CARNMT1: variants seen among roughly 807,000 people sequenced by gnomAD.
The protein encoded by CARNMT1 is protein-L-histidine N-pros-methyltransferase CARNMT1.
CARNMT1 carries 28 observed loss-of-function variants against 49.6 expected under a neutral mutation model. That is an observed-to-expected ratio of 0.56 (90% CI 0.42 to 0.77). CARNMT1 has a LOEUF of 0.77. CARNMT1 is among the 30% of genes least tolerant of loss of function. The probability of loss-of-function intolerance (pLI) is 0.00; values close to 1 mark genes in which losing one functional copy is unlikely to be tolerated. For synonymous variants in CARNMT1, 178 were observed against 175.0 expected (o/e 1.02, Z -0.13); for missense variants, 421 against 512.6 (o/e 0.82, Z 1.73).
intron 6 of CARNMT1, among the ~76,000 whole-genome samples, chr9:74,995,168 C>A (rs942976527): frequency 3.3e-5 from 5 of 152,082 alleles, no homozygotes; most frequent in African/African-American, 1.2e-4. Flanking sequence ...TATATAAACA[C>A]AGGGTCATGT....
At chr9:74,996,612 C>A (rs752204283) in intron 5 of CARNMT1, 52 bp from the exon 6 acceptor site, 1 of 1,028,396 alleles carries the variant, frequency 9.7e-7, no homozygotes, top group Admixed American at 2.4e-5. Context: ...TTGCTTTTTT[C>A]TTTTAATTAA....
chr9:74,988,815 G>A (rs950989199), intron 6 of CARNMT1, among the ~76,000 whole-genome samples: 1 of 152,162 alleles, frequency 6.6e-6, no homozygotes, highest in Non-Finnish European at 1.5e-5. Flanking sequence ...TAGGCTACAG[G>A]CCAAATTGGG....
chr9:75,017,440 A>C lies in CARNMT1; in HGVS notation c.239T>G (p.Met80Arg). 6.2e-7 allele frequency: 1 copy of C among 1,613,102 alleles called. No individual in the cohort carries two copies. Among genetic ancestry groups the C allele is most frequent in the Non-Finnish European group, 8.5e-7 (1 of 1,179,596 alleles). ...INAFRYYGTS[M>R]HERVNRTERQ... ...TTCTGTTCGGTTCACCCGCTCATGCATACTGGTGCTAAAACATAAAAGGTG... is the reference window on the plus strand; with the variant it reads ...TTCTGTTCGGTTCACCCGCTCATGCCTACTGGTGCTAAAACATAAAAGGTG... Residue 80 changes from methionine (M) to arginine (R), a missense_variant, in exon 2 of 8, where the codon ATG becomes AGG. Around this residue, in one of 2 missense-constraint regions of CARNMT1, gnomAD observed 186 missense variants for 167.9 expected, o/e 1.11. Coordinates refer to ENST00000376834, the MANE Select transcript of CARNMT1 (RefSeq NM_152420.3).
chr9:75,028,209 G>A lies in CARNMT1; in HGVS notation c.33C>T (p.Thr11=). Residue 11 remains threonine (T), a synonymous_variant, in exon 1 of 8, where the codon ACC becomes ACT. Transcript: ENST00000376834. ...CCCCGCAGCCCTCGGGCAGCCGGGA[G>A]GTGGGCGGCGGAGGGCGACGCCGTC... MQRRRRPPPP[T]SRLPEGCGGG... is the part of the protein sequence containing the mutation. 7.0e-7 allele frequency: 1 copy of A among 1,436,414 alleles called. No individual in the cohort carries two copies. Among genetic ancestry groups the A allele is most frequent in the Non-Finnish European group, 9.1e-7 (1 of 1,097,098 alleles). 89.0% of individuals were successfully genotyped at this position (1,436,414 alleles called of 1,614,324 possible).
rs1267638094 is a variant in CARNMT1 at position 74,981,423 on chromosome 9, G to A, written c.*2344C>T. On this transcript the variant is annotated 3_prime_UTR_variant, in exon 8 of 8. Transcript: ENST00000376834. ...TAAGGCTTACATACTTTAGTAGCTA[G>A]GACTAAAATTAAGAAATACAAAGCT... The A allele has an allele frequency of 6.6e-6, 1 of 152,022 alleles. No homozygotes were observed. Among genetic ancestry groups the A allele is most frequent in the Non-Finnish European group, 1.5e-5 (1 of 67,976 alleles). 9.4% of individuals were successfully genotyped at this position (152,022 alleles called of 1,614,324 possible). A position where few individuals can be genotyped will look rare whatever the true frequency, so the allele number is the denominator to read the frequency against.
intron 1 of CARNMT1, among the ~76,000 whole-genome samples, chr9:75,019,725 A>G (rs1427236166): frequency 1.1e-4 from 16 of 152,180 alleles, no homozygotes; most frequent in Admixed American, 1.0e-3. Context: ...AAGATGTCCT[A>G]CCTTTTGAGT....
At chr9:75,019,706 C>G (rs796779370) in intron 1 of CARNMT1, among the ~76,000 whole-genome samples, 19 of 152,300 alleles carry the variant, frequency 1.2e-4, no homozygotes, top group African/African-American at 4.6e-4. Context: ...GACTTGTAAC[C>G]CCCTCTTTAA....
At chr9:74,991,451 C>T (rs1173298371) in intron 6 of CARNMT1, among the ~76,000 whole-genome samples, 2 of 152,058 alleles carry the variant, frequency 1.3e-5, no homozygotes, top group East Asian at 1.9e-4. Context: ...AACCTTGGTA[C>T]GTTTTATAGG....
intron 3 of CARNMT1, among the ~76,000 whole-genome samples, chr9:75,013,352 T>A (rs1418405104): frequency 6.6e-6 from 1 of 152,208 alleles, no homozygotes; most frequent in Non-Finnish European, 1.5e-5. Context: ...TCTTCTGAAA[T>A]TATATTATGG....
intron 3 of CARNMT1, among the ~76,000 whole-genome samples, chr9:75,003,313 T>C (rs1833415248): frequency 6.6e-6 from 1 of 152,238 alleles, no homozygotes; most frequent in Non-Finnish European, 1.5e-5. Flanking sequence ...ACAGTTCTAT[T>C]ATAGTTTACA....
chr9:74,984,699 T>C (rs561186236), intron 7 of CARNMT1, among the ~76,000 whole-genome samples: 1 of 152,310 alleles, frequency 6.6e-6, no homozygotes, highest in South Asian at 2.1e-4. Context: ...GTCACGTATA[T>C]GCATATATTG....
intron 3 of CARNMT1, among the ~76,000 whole-genome samples, chr9:75,004,740 CTAT>C (rs1245537005): frequency 2.0e-5 from 3 of 152,198 alleles, no homozygotes; most frequent in Admixed American, 6.5e-5. Flanking sequence ...TAATGCCCAA[CTAT>C]ATAAAAGAAA....
intron 4 of CARNMT1, among the ~76,000 whole-genome samples, chr9:74,999,013 C>G (rs1346791310): frequency 1.3e-5 from 2 of 152,000 alleles, no homozygotes; most frequent in African/African-American, 4.8e-5. Context: ...ATGTGCTGTT[C>G]ATTCAGATTT....
chr9:75,025,310 G>A (rs1285369524), intron 1 of CARNMT1, among the ~76,000 whole-genome samples: 1 of 152,196 alleles, frequency 6.6e-6, no homozygotes. Flanking sequence ...CAAAAGCAGA[G>A]TGATTATTTT....
chr9:75,016,614 C>CG (rs1833863563), intron 2 of CARNMT1, 183 bp from the exon 3 acceptor site: 3 of 567,656 alleles, frequency 5.3e-6, no homozygotes, highest in Non-Finnish European at 9.2e-6. Flanking sequence ...GGTCTCACTG[C>CG]TACCCTCAAA....
chr9:75,007,615 G>A (rs918330222), intron 3 of CARNMT1, among the ~76,000 whole-genome samples: 1 of 151,616 alleles, frequency 6.6e-6, no homozygotes, highest in African/African-American at 2.4e-5. Flanking sequence ...TGTAATCCCA[G>A]CTACTCGGGA....
At chr9:75,017,982 A>G (rs1833899933) in intron 1 of CARNMT1, among the ~76,000 whole-genome samples, 1 of 152,206 alleles carries the variant, frequency 6.6e-6, no homozygotes, top group Non-Finnish European at 1.5e-5. Flanking sequence ...TTTGCATTCC[A>G]AAAACGAACC....
At chr9:75,008,408 T>C (rs1833585517) in intron 3 of CARNMT1, among the ~76,000 whole-genome samples, 1 of 152,200 alleles carries the variant, frequency 6.6e-6, no homozygotes, top group Non-Finnish European at 1.5e-5. Context: ...CTCAGCTCAC[T>C]GCAACCTCTG....
At chr9:75,021,052 T>C (rs1822334327) in intron 1 of CARNMT1, among the ~76,000 whole-genome samples, 1 of 152,044 alleles carries the variant, frequency 6.6e-6, no homozygotes. Flanking sequence ...CCAAGTCAGT[T>C]AATACGGATT....
Sources: allele counts gnomAD v4.1 joint callset (sites outside exome capture counted in the v4.1 genomes callset), GRCh38; gene constraint gnomAD v4.1.1; regional missense constraint gnomAD v4.1.1; transcripts MANE v1.5; gene names NCBI Gene and HGNC (gene_info 2026-07-23, HGNC 2026-07-21).